Variants in CCDC82 observed in about 807,000 individuals in gnomAD.
The protein encoded by CCDC82 is coiled-coil domain-containing protein 82.
Under a neutral mutation model 60.6 loss-of-function variants are expected in CCDC82, and 47 were observed. That is an observed-to-expected ratio of 0.77 (90% confidence interval 0.61 to 0.99). The LOEUF is 0.99. Among genes scored for constraint, CCDC82 ranks in the 50% least tolerant of loss-of-function variants. CCDC82 has a pLI of 0.00. For synonymous variants in CCDC82, 212 were observed against 207.4 expected (o/e 1.02, Z -0.19); for missense variants, 588 against 633.0 (o/e 0.93, Z 0.76).
chr11:96,366,445 AC>A (rs1864953577), intron 7 of CCDC82, among the ~76,000 whole-genome samples: 1 of 152,226 alleles, frequency 6.6e-6, no homozygotes, highest in African/African-American at 2.4e-5. Context: ...ATCACCCACC[AC>A]AATATGGTAA....
chr11:96,356,717 C>T, intron 9 of CCDC82: 2 of 968,512 alleles, frequency 2.1e-6, no homozygotes, highest in South Asian at 9.5e-5. Context: ...CAAGTTGCTC[C>T]TACACCCCTT....
intron 8 of CCDC82, 38 bp from the exon 9 acceptor site, chr11:96,359,216 T>C (rs1864504349): frequency 1.4e-6 from 2 of 1,473,638 alleles, no homozygotes. Flanking sequence ...TGACAACGAA[T>C]ATATATCCTT....
At position 96,384,685 on chromosome 11, in the gene CCDC82, T is replaced by C. The variant is rs768936266; in HGVS notation, c.63A>G (p.Lys21=). 5 of 1,613,162 alleles carry C rather than the reference T, an allele frequency of 3.1e-6. No individual in the cohort carries two copies. Among genetic ancestry groups the C allele is most frequent in the Non-Finnish European group, 4.2e-6 (5 of 1,179,562 alleles). ...TAGTTCGCCTCCAATCAACTCGAGA[T>C]TTCTGCTCAGGCACGTGACTCTTAG... ...RNSKSHVPEQ[K]SRVDWRRTKR... Residue 21 remains lysine, a synonymous_variant, in exon 4 of 10, where the codon AAA becomes AAG. Coordinates refer to ENST00000646818, the MANE Select transcript of CCDC82 (RefSeq NM_024725.4).
At chr11:96,373,488 A>C in intron 5 of CCDC82, 21 bp from the exon 6 acceptor site, 1 of 1,410,598 alleles carries the variant, frequency 7.1e-7, no homozygotes, top group Non-Finnish European at 1.0e-6. Context: ...TTTCAAATAA[A>C]TATTAGAACA....
intron 5 of CCDC82, chr11:96,382,900 A>G (rs924897121): frequency 6.0e-6 from 1 of 165,854 alleles, no homozygotes; most frequent in African/African-American, 2.4e-5. Flanking sequence ...AATGCCATTT[A>G]TCACATTTTG....
At chr11:96,358,264 GT>G (rs1295556883) in intron 9 of CCDC82, 34 of 1,091,530 alleles carry the variant, frequency 3.1e-5, no homozygotes, top group Admixed American at 5.1e-5. Context: ...AACTAGACTT[GT>G]TTTAGAAGAC....
At chr11:96,372,117 T>C (rs1183859031) in intron 6 of CCDC82, among the ~76,000 whole-genome samples, 1 of 152,090 alleles carries the variant, frequency 6.6e-6, no homozygotes, top group Admixed American at 6.5e-5. Flanking sequence ...ACAAAGGCCT[T>C]CTAGTTGTTC....
chr11:96,354,012 A>G, intron 9 of CCDC82: 1 of 212,380 alleles, frequency 4.7e-6, no homozygotes, highest in Non-Finnish European at 9.3e-6. Context: ...AGTAACCTCA[A>G]TAACTTAATA....
Position 96,368,493 on chromosome 11 carries a change from T to C in CCDC82, c.1209+2520A>G, listed in dbSNP as rs28807472. Among the ~76,000 whole-genome samples the C allele has an allele frequency of 3.2e-3, 480 of 152,270 alleles. 1 individual carries two copies. Among genetic ancestry groups the C allele is most frequent in the African/African-American group, 0.011 (452 of 41,554 alleles). ...ACTGGCTTCAACTTAGGTCACCAGCTGCATTAGCCCCTAACAAGAGAGTCA... is the reference window on the plus strand; with the variant it reads ...ACTGGCTTCAACTTAGGTCACCAGCCGCATTAGCCCCTAACAAGAGAGTCA... On this transcript the variant is annotated intron_variant, in intron 7 of 9. Coordinates refer to ENST00000646818, the MANE Select transcript of CCDC82 (RefSeq NM_024725.4).
rs1306561800 is a variant in CCDC82 at position 96,384,586 on chromosome 11, C to G, written c.162G>C (p.Glu54Asp). The G allele has an allele frequency of 6.2e-7, 1 of 1,613,396 alleles. No homozygotes were observed. Among genetic ancestry groups the G allele is most frequent in the Non-Finnish European group, 8.5e-7 (1 of 1,179,636 alleles). ...TTTCAAAACTTTCATCACTATCAAG[C>G]TCTTCATCACTATCAAATTCTTCAC... The part of the protein sequence containing the change: ...LDSEEFDSDE[E>D]LDSDESFEND... The change falls in exon 4 of 10, where the codon GAG becomes GAC. Residue 54 changes from glutamate (E) to aspartate (D), a missense_variant. By Grantham distance (45) the Glu-to-Asp change is conservative. Transcript: ENST00000646818.
At chr11:96,354,537 A>C (rs1426194540) in intron 9 of CCDC82, 1 of 152,176 alleles carries the variant, frequency 6.6e-6, no homozygotes, top group African/African-American at 2.4e-5. Context: ...AAATCGGTAA[A>C]ACATTCATTC....
At position 96,372,720 on chromosome 11, in the gene CCDC82, TTATA is replaced by T. The variant is rs532934667; in HGVS notation, c.1084+651_1084+654del. 2.1e-5 allele frequency among the ~76,000 whole-genome samples: 3 copies of T among 144,714 alleles called. No individual in the cohort carries two copies. The South Asian group carries it at 6.4e-4, about 31-fold the overall frequency. The allele number at this position is 144,714 out of a possible 152,430, so 94.9% of individuals were successfully genotyped here. On this transcript the variant is annotated intron_variant, in intron 6 of 9. Transcript: ENST00000646818. ...TAAAAATATATATATACATATATATTTATATATATAAATATATAAATATACGTAT... is the reference window on the plus strand; with the variant it reads ...TAAAAATATATATATACATATATATTTATATAAATATATAAATATACGTAT...
intron 3 of CCDC82, chr11:96,385,770 T>C (rs1213125187): frequency 1.3e-5 from 2 of 152,138 alleles, no homozygotes; most frequent in African/African-American, 4.8e-5. Flanking sequence ...TTATCACAAG[T>C]ATATATTAAA....
intron 6 of CCDC82, 110 bp downstream of exon 6, chr11:96,373,265 C>T: frequency 1.6e-6 from 1 of 642,944 alleles, no homozygotes; most frequent in Non-Finnish European, 2.7e-6. Context: ...GAAGGTCTTA[C>T]AAATGATCCT....
intron 5 of CCDC82, among the ~76,000 whole-genome samples, chr11:96,377,142 T>C (rs1348861943): frequency 6.6e-6 from 1 of 152,232 alleles, no homozygotes; most frequent in African/African-American, 2.4e-5. Context: ...GATATCAGCC[T>C]AGTGTATGAG....
chr11:96,374,066 G>C (rs955325034), intron 5 of CCDC82, among the ~76,000 whole-genome samples: 6 of 152,134 alleles, frequency 3.9e-5, no homozygotes, highest in Admixed American at 1.3e-4. Context: ...TGTTGTGACA[G>C]GCCAGGCAGT....
chr11:96,370,102 C>T (rs774153432), intron 7 of CCDC82, among the ~76,000 whole-genome samples: 4 of 152,240 alleles, frequency 2.6e-5, no homozygotes, highest in Admixed American at 1.3e-4. Context: ...TAATCCTACA[C>T]TGTCTTATAA....
intron 2 of CCDC82, chr11:96,387,203 A>T (rs923462742): frequency 6.6e-6 from 1 of 152,232 alleles, no homozygotes; most frequent in Admixed American, 6.5e-5. Flanking sequence ...GCAAATATGG[A>T]CAGTAAAGAA....
At chr11:96,375,281 A>T (rs1221031153) in intron 5 of CCDC82, among the ~76,000 whole-genome samples, 1 of 152,200 alleles carries the variant, frequency 6.6e-6, no homozygotes, top group Non-Finnish European at 1.5e-5. Flanking sequence ...CATTTGCTAT[A>T]GAGTCTTGAG....
Sources: gnomAD v4.1 joint callset for allele counts (sites outside exome capture counted in the v4.1 genomes callset) on GRCh38, gnomAD v4.1.1 for gene constraint, MANE v1.5 for transcripts, NCBI Gene and HGNC (gene_info 2026-07-23, HGNC 2026-07-21) for gene names.